NUDT3: variants seen among roughly 807,000 people sequenced by gnomAD.
The protein encoded by NUDT3 is diphosphoinositol polyphosphate phosphohydrolase 1.
In NUDT3, 9 loss-of-function variants were observed where a neutral mutation model predicts 23.6. The ratio of observed to expected loss-of-function variants is 0.38; its 90% confidence interval spans 0.23 to 0.66. The LOEUF (loss-of-function observed/expected upper bound fraction) is 0.66. Ranked by LOEUF, NUDT3 falls within the 30% of genes least tolerant of loss-of-function variation. The pLI is 0.52. For missense variants in NUDT3, 172 were observed against 218.5 expected (o/e 0.79, Z 1.34); for synonymous variants, 86 against 82.6 (o/e 1.04, Z -0.22).
At chr6:34,345,440 G>A (rs1437364724) in intron 1 of NUDT3, among the ~76,000 whole-genome samples, 1 of 151,232 alleles carries the variant, frequency 6.6e-6, no homozygotes, top group Admixed American at 6.6e-5. Context: ...GAGGCGGGCA[G>A]ATCACAAGGT....
chr6:34,353,466 A>G (rs2113745412), intron 1 of NUDT3, among the ~76,000 whole-genome samples: 1 of 147,408 alleles, frequency 6.8e-6, no homozygotes, highest in South Asian at 2.1e-4. Context: ...TTGAGACAAG[A>G]GTCTTGTTCA....
rs1763335568 is a variant in NUDT3 at position 34,286,467 on chromosome 6, ATG to A, written c.*2284_*2285del. On this transcript the variant is annotated 3_prime_UTR_variant, in exon 5 of 5. Transcript: ENST00000607016. ...ATAAAGGTAGAATTTATCTGGAAGA[ATG>A]TGTTTTTTGAATTCCACCTGGCACT... The A allele has an allele frequency of 1.3e-5, 2 of 152,214 alleles. No individual in the cohort carries two copies. Among genetic ancestry groups the A allele is most frequent in the Admixed American group, 1.3e-4 (2 of 15,284 alleles). The allele number at this position is 152,214 out of a possible 1,614,324, so 9.4% of individuals were successfully genotyped here. A position where few individuals can be genotyped will look rare whatever the true frequency, so the allele number is the denominator to read the frequency against.
rs539847760 is a variant in NUDT3 at position 34,334,244 on chromosome 6, C to T, written c.210+7618G>A. 2.4e-4 allele frequency among the ~76,000 whole-genome samples: 37 copies of T among 152,330 alleles called. 1 individual carries two copies. In the South Asian group the frequency reaches 7.5e-3, roughly 31 times the overall value. On this transcript the variant is annotated intron_variant, in intron 2 of 4. Coordinates refer to ENST00000607016, the MANE Select transcript of NUDT3 (RefSeq NM_006703.4). ...TCTGACAACCTAAAAGGGCACATTG[C>T]AGTTGCATTTCTGTAGCTGTTCTAA...
In NUDT3 at chr6:34,280,677, G is replaced by A. The variant is rs139635220; in HGVS notation, c.*8076C>T. On this transcript the variant is annotated 3_prime_UTR_variant, in exon 5 of 5. Transcript: ENST00000607016. Reference sequence around the variant, plus strand: ...GGAGATCTATATATGCTCTCATCCTGCAACCCAAGAGATTAGGTGACCTAA... The same window carrying A: ...GGAGATCTATATATGCTCTCATCCTACAACCCAAGAGATTAGGTGACCTAA... The A allele has an allele frequency of 6.6e-6, 1 of 152,250 alleles. No individual in the cohort carries two copies. The highest frequency in any genetic ancestry group is 2.4e-5 in the African/African-American group (1 of 41,538). 9.4% of individuals were successfully genotyped at this position (152,250 alleles called of 1,614,324 possible).
At chr6:34,310,601 T>C (rs1021991065) in intron 2 of NUDT3, among the ~76,000 whole-genome samples, 2 of 152,174 alleles carry the variant, frequency 1.3e-5, no homozygotes, top group African/African-American at 4.8e-5. Context: ...CAAGCCCAGA[T>C]GGGCCACTGG....
intron 1 of NUDT3, among the ~76,000 whole-genome samples, chr6:34,372,596 C>T (rs1012086750): frequency 1.3e-5 from 2 of 151,748 alleles, no homozygotes; most frequent in East Asian, 2.0e-4. Context: ...TCTGAGGTCA[C>T]GAGTTCGAGA....
intron 2 of NUDT3, among the ~76,000 whole-genome samples, chr6:34,315,854 C>T (rs1226736679): frequency 6.6e-6 from 1 of 152,204 alleles, no homozygotes; most frequent in East Asian, 1.9e-4. Context: ...TTCAGTTTTA[C>T]ACCCAGAGCT....
rs764775284 is a variant in NUDT3 at position 34,283,925 on chromosome 6, G to A, written c.*4828C>T. The A allele has an allele frequency of 2.0e-5, 3 of 152,102 alleles. No individual in the cohort carries two copies. Among genetic ancestry groups the A allele is most frequent in the Non-Finnish European group, 2.9e-5 (2 of 68,026 alleles). 9.4% of individuals were successfully genotyped at this position (152,102 alleles called of 1,614,324 possible). ...AGCTCCTCCGGATGGTGAAGTCTCC[G>A]CTGCAAAACTCACGAAACAGCACAG... On this transcript the variant is annotated 3_prime_UTR_variant, in exon 5 of 5. Transcript: ENST00000607016.
chr6:34,344,170 A>G (rs1764329844), intron 1 of NUDT3, among the ~76,000 whole-genome samples: 1 of 152,212 alleles, frequency 6.6e-6, no homozygotes, highest in Non-Finnish European at 1.5e-5. Context: ...TTACCATCAG[A>G]TCTAGTAACT....
intron 1 of NUDT3, among the ~76,000 whole-genome samples, chr6:34,363,134 T>C (rs1343931933): frequency 6.6e-6 from 1 of 152,206 alleles, no homozygotes; most frequent in Non-Finnish European, 1.5e-5. Flanking sequence ...GGTTTTCCCC[T>C]CTACTTTGCT....
intron 1 of NUDT3, among the ~76,000 whole-genome samples, chr6:34,363,375 A>G (rs1009877461): frequency 6.6e-6 from 1 of 152,210 alleles, no homozygotes; most frequent in Admixed American, 6.5e-5. Context: ...TGCAAAAGAG[A>G]TTAGCAGAAA....
chr6:34,340,060 A>T (rs1764266007), intron 2 of NUDT3, among the ~76,000 whole-genome samples: 1 of 152,146 alleles, frequency 6.6e-6, no homozygotes, highest in Admixed American at 6.6e-5. Context: ...TTTGGGGAAA[A>T]TTTCTTTTCT....
At chr6:34,343,725 G>A (rs914522564) in intron 1 of NUDT3, among the ~76,000 whole-genome samples, 3 of 151,868 alleles carry the variant, frequency 2.0e-5, no homozygotes, top group African/African-American at 4.8e-5. Context: ...AGCAACAAAA[G>A]GGCAAACAAG....
In NUDT3 at chr6:34,293,504, T is replaced by A; in HGVS notation, c.287A>T (p.Tyr96Phe). ...CAGCACTTCAGTGACAATGAGCACA[T>A]AGACATACGTCCTGTGCTTCCTCTC... ...NQERKHRTYV[Y>F]VLIVTEVLED... Residue 96 changes from tyrosine (Y) to phenylalanine (F), a missense_variant, in exon 4 of 5, where the codon TAT becomes TTT. This residue lies in a region of NUDT3 where 59 missense variants were observed against 107.4 expected (regional missense o/e 0.55). Transcript: ENST00000607016. 6.2e-7 allele frequency: 1 copy of A among 1,614,206 alleles called. No individual in the cohort carries two copies. The highest frequency in any genetic ancestry group is 8.5e-7 in the Non-Finnish European group (1 of 1,180,022).
chr6:34,311,009 C>T (rs1446627169), intron 2 of NUDT3, among the ~76,000 whole-genome samples: 1 of 150,246 alleles, frequency 6.7e-6, no homozygotes, highest in Non-Finnish European at 1.5e-5. Context: ...AAAAAAAACT[C>T]TCGACAAACT....
At chr6:34,381,757 C>G (rs1765021300) in intron 1 of NUDT3, among the ~76,000 whole-genome samples, 1 of 152,068 alleles carries the variant, frequency 6.6e-6, no homozygotes, top group Admixed American at 6.6e-5. Context: ...CAAATCATTT[C>G]TGCAAAAAGG....
At chr6:34,364,130 T>C (rs1005002764) in intron 1 of NUDT3, among the ~76,000 whole-genome samples, 1 of 152,196 alleles carries the variant, frequency 6.6e-6, no homozygotes, top group Non-Finnish European at 1.5e-5. Context: ...TTTCTATTGC[T>C]GTCAAACTAT....
At chr6:34,324,860 AAGAG>A (rs142061894) in intron 2 of NUDT3, among the ~76,000 whole-genome samples, 4 of 152,212 alleles carry the variant, frequency 2.6e-5, no homozygotes, top group South Asian at 4.1e-4. Context: ...CTTCTCTGAA[AAGAG>A]AGAGAGGCGG....
intron 4 of NUDT3, among the ~76,000 whole-genome samples, chr6:34,290,109 A>C (rs1193327538): frequency 6.6e-6 from 1 of 152,218 alleles, no homozygotes; most frequent in Non-Finnish European, 1.5e-5. Context: ...CTATCTCACA[A>C]GTCTGTTATG....
Sources: gnomAD v4.1 joint callset for allele counts (sites outside exome capture counted in the v4.1 genomes callset) on GRCh38, gnomAD v4.1.1 for gene constraint, gnomAD v4.1.1 regional missense constraint, MANE v1.5 for transcripts, NCBI Gene and HGNC (gene_info 2026-07-23, HGNC 2026-07-21) for gene names.